The following ACSL4 variants were observed in gnomAD, a reference collection of about 807,000 sequenced individuals.
ACSL4 encodes acyl-CoA synthetase long chain family member 4.
ACSL4 carries 9 observed loss-of-function variants against 49.1 expected under a neutral mutation model. The ratio of observed to expected loss-of-function variants is 0.18; its 90% CI spans 0.11 to 0.32. ACSL4 has a LOEUF of 0.32. ACSL4 is among the 10% of genes least tolerant of loss of function. The probability of loss-of-function intolerance (pLI) is 1.00; values close to 1 mark genes in which losing one functional copy is unlikely to be tolerated. For missense variants in ACSL4, 333 were observed against 493.7 expected, an observed-to-expected ratio of 0.67 and a Z score of 3.08; for synonymous variants, 191 against 170.3, an observed-to-expected ratio of 1.12 and a Z score of -0.95.
rs1232517093 is a variant in ACSL4 at position 109,642,211 on chromosome X, G to A, written c.*1818C>T. 9.0e-6 allele frequency: 1 copy of A among 110,790 alleles called. No individual in the cohort carries two copies. The highest frequency in any genetic ancestry group is 1.9e-5 in the Non-Finnish European group (1 of 52,766). 9.1% of individuals were successfully genotyped at this position (110,790 alleles called of 1,213,427 possible). On this transcript the variant is annotated 3_prime_UTR_variant, in exon 16 of 16. Coordinates refer to ENST00000672401, the MANE Select transcript of ACSL4 (RefSeq NM_001318510.2). The stretch of plus-strand genomic sequence containing the variant: ...CACATTTAAAATCACCATTCTAAAT[G>A]GGAAAAAAAATCACATATTGGAAAA...
chrX:109,669,844 TTC>T (rs749240837), intron 9 of ACSL4, among the ~76,000 whole-genome samples: 2 of 112,817 alleles, frequency 1.8e-5, no homozygotes, highest in East Asian at 5.5e-4. Flanking sequence ...CATGATGCTT[TTC>T]TCTTTTTTTA....
chrX:109,714,611 CG>C (rs1172902836), intron 1 of ACSL4, among the ~76,000 whole-genome samples: 1 of 111,183 alleles, frequency 9.0e-6, no homozygotes, highest in South Asian at 3.7e-4. Flanking sequence ...TCTTTTATAC[CG>C]TTTTTTTTTA....
At chrX:109,661,730 C>T (rs952375676) in intron 13 of ACSL4, 85 bp from the exon 14 acceptor site, 2 of 617,459 alleles carry the variant, frequency 3.2e-6, no homozygotes. Flanking sequence ...TTGCCTTAAT[C>T]GTTATTTACA....
At chrX:109,703,821 A>G (rs974029820) in intron 1 of ACSL4, among the ~76,000 whole-genome samples, 2 of 110,681 alleles carry the variant, frequency 1.8e-5, no homozygotes, top group Non-Finnish European at 3.8e-5. Flanking sequence ...AATCCCAGCT[A>G]TTCGGGAGGC....
chrX:109,721,051 G>C (rs1006881308), intron 1 of ACSL4, among the ~76,000 whole-genome samples: 2 of 112,263 alleles, frequency 1.8e-5, no homozygotes, highest in Non-Finnish European at 3.8e-5. Context: ...TTTTTCAACT[G>C]TTCTTTGAAG....
chrX:109,650,223 C>T (rs912229350), intron 15 of ACSL4, among the ~76,000 whole-genome samples: 6 of 111,337 alleles, frequency 5.4e-5, no homozygotes, highest in African/African-American at 2.0e-4. Flanking sequence ...AAGACAGATG[C>T]ACACATATGT....
chrX:109,716,391 T>C (rs1927122321), intron 1 of ACSL4, among the ~76,000 whole-genome samples: 1 of 112,438 alleles, frequency 8.9e-6, no homozygotes, highest in African/African-American at 3.2e-5. Context: ...ATGAATGTTA[T>C]TAAAAACTTC....
Position 109,649,521 on chromosome X carries a change from C to T in ACSL4, c.1856-5335G>A, listed in dbSNP as rs1325909327. The stretch of plus-strand genomic sequence containing the variant: ...CCTTCCTTACACCTTACACAAAAAT[C>T]AATTCAAAATGGATTAAAGACTTAA... On this transcript the variant is annotated intron_variant, in intron 15 of 15. Transcript: ENST00000672401. 1.8e-4 allele frequency among the ~76,000 whole-genome samples: 20 copies of T among 111,693 alleles called. 2 individuals are homozygous for T. Among genetic ancestry groups the T allele is most frequent in the South Asian group, 7.5e-4 (2 of 2,670 alleles).
chrX:109,716,847 G>A (rs753592941), intron 1 of ACSL4, among the ~76,000 whole-genome samples: 20 of 112,114 alleles, frequency 1.8e-4, no homozygotes, highest in Non-Finnish European at 3.4e-4. Flanking sequence ...CCAAGAAAAT[G>A]GCTGTAATCC....
chrX:109,724,890 C>G (rs761738046), intron 1 of ACSL4, among the ~76,000 whole-genome samples: 1 of 109,037 alleles, frequency 9.2e-6, no homozygotes, highest in South Asian at 4.0e-4. Flanking sequence ...CCAGCCTGGG[C>G]GACAGAGCGA....
At chrX:109,663,914 T>C (rs955109883) in intron 12 of ACSL4, among the ~76,000 whole-genome samples, 5 of 111,430 alleles carry the variant, frequency 4.5e-5, no homozygotes, top group African/African-American at 1.6e-4. Flanking sequence ...TGGCCAGTCA[T>C]GACTTTAGAA....
intron 2 of ACSL4, among the ~76,000 whole-genome samples, chrX:109,686,523 C>T (rs887090344): frequency 2.7e-5 from 3 of 111,770 alleles, no homozygotes; most frequent in African/African-American, 9.8e-5. Context: ...TTATAAAATG[C>T]CCCTAAGGGG....
At chrX:109,700,023 C>T (rs1423082762) in intron 1 of ACSL4, among the ~76,000 whole-genome samples, 2 of 107,718 alleles carry the variant, frequency 1.9e-5, no homozygotes, top group Non-Finnish European at 3.8e-5. Flanking sequence ...GCCTGACCAA[C>T]ATGGTGAAAC....
chrX:109,704,324 T>C (rs1926188356), intron 1 of ACSL4, among the ~76,000 whole-genome samples: 1 of 112,265 alleles, frequency 8.9e-6, no homozygotes, highest in Non-Finnish European at 1.9e-5. Context: ...TAAGCAATGC[T>C]TATTTATCTT....
At chrX:109,718,991 G>A (rs915704280) in intron 1 of ACSL4, among the ~76,000 whole-genome samples, 1 of 111,176 alleles carries the variant, frequency 9.0e-6, no homozygotes, top group Admixed American at 9.6e-5. Flanking sequence ...TCAATCAGAG[G>A]GGGTGCAGGG....
intron 13 of ACSL4, among the ~76,000 whole-genome samples, chrX:109,662,586 C>A (rs1253164684): frequency 1.8e-5 from 2 of 110,889 alleles, no homozygotes; most frequent in African/African-American, 6.6e-5. Context: ...CACAAGGGCC[C>A]ATTTTGGAGT....
At chrX:109,714,254 A>G (rs752925352) in intron 1 of ACSL4, among the ~76,000 whole-genome samples, 1 of 112,527 alleles carries the variant, frequency 8.9e-6, no homozygotes, top group East Asian at 2.7e-4. Context: ...AAAAATATAA[A>G]AAAGCTTTTA....
chrX:109,691,732 A>C (rs779460784), intron 2 of ACSL4, among the ~76,000 whole-genome samples: 1 of 112,589 alleles, frequency 8.9e-6, no homozygotes, highest in Admixed American at 9.4e-5. Flanking sequence ...ATAATCATGT[A>C]AAATATATGT....
At chrX:109,726,132 C>T (rs767028848) in intron 1 of ACSL4, among the ~76,000 whole-genome samples, 16 of 112,338 alleles carry the variant, frequency 1.4e-4, no homozygotes, top group Non-Finnish European at 2.3e-4. Context: ...AAAACAAATA[C>T]AAGCAGGCTT....
Sources: allele counts gnomAD v4.1 joint callset (sites outside exome capture counted in the v4.1 genomes callset), GRCh38; gene constraint gnomAD v4.1.1; transcripts MANE v1.5; gene names NCBI Gene and HGNC (gene_info 2026-07-23, HGNC 2026-07-21).